Variants in MTMR10 observed in about 807,000 individuals in gnomAD.
MTMR10 encodes myotubularin-related protein 10.
A neutral mutation model predicts 88.1 loss-of-function variants in MTMR10; 56 were observed. The observed-to-expected ratio is 0.64, with a 90% CI of 0.51 to 0.79. The LOEUF is 0.79. Ranked by LOEUF, MTMR10 falls within the 30% of genes least tolerant of loss-of-function variation. The pLI is 0.00. For missense variants in MTMR10, 883 were observed against 924.7 expected (o/e 0.95, Z 0.58); for synonymous variants, 380 against 340.9 (o/e 1.11, Z -1.26).
intron 5 of MTMR10, among the ~76,000 whole-genome samples, chr15:30,972,853 G>A (rs571216231): frequency 6.6e-6 from 1 of 152,226 alleles, no homozygotes; most frequent in African/African-American, 2.4e-5. Flanking sequence ...TTAAAATAGT[G>A]TAAACTGAAA....
At chr15:30,963,997 C>A (rs544413034) in intron 6 of MTMR10, among the ~76,000 whole-genome samples, 1 of 150,642 alleles carries the variant, frequency 6.6e-6, no homozygotes, top group South Asian at 2.1e-4. Flanking sequence ...ATGATAGATA[C>A]CTGTTTATGA....
At chr15:30,969,192 A>G (rs1490768710) in intron 5 of MTMR10, among the ~76,000 whole-genome samples, 1 of 152,076 alleles carries the variant, frequency 6.6e-6, no homozygotes, top group African/African-American at 2.4e-5. Flanking sequence ...CTATAGAATA[A>G]ATGTTTCCTG....
At chr15:30,961,790 CCATTT>C (rs1219760831) in intron 6 of MTMR10, among the ~76,000 whole-genome samples, 1 of 152,202 alleles carries the variant, frequency 6.6e-6, no homozygotes, top group Non-Finnish European at 1.5e-5. Flanking sequence ...GATTTCCTCT[CCATTT>C]ATTTTCTCTT....
rs994227162 is a variant in MTMR10 at position 30,940,609 on chromosome 15, G to A, written c.*861C>T. The A allele has an allele frequency of 1.0e-6, 1 of 985,304 alleles. No individual in the cohort carries two copies. The highest frequency in any genetic ancestry group is 1.7e-5 in the African/African-American group (1 of 57,174). The allele number at this position is 985,304 out of a possible 1,614,324, so 61.0% of individuals were successfully genotyped here. ...TTTGAGGGCGAGTTTTGGCATAGAT[G>A]GCACTCTCCTGTCTACAGCATACAC... On this transcript the variant is annotated 3_prime_UTR_variant, in exon 16 of 16. Coordinates refer to ENST00000435680, the MANE Select transcript of MTMR10 (RefSeq NM_017762.3).
chr15:30,924,040 T>TCTGTAA, the MTMR10 span, among the ~76,000 whole-genome samples: 1 of 152,312 alleles, frequency 6.6e-6, no homozygotes, highest in Non-Finnish European at 1.5e-5. Context: ...CATCTACTTT[T>TCTGTAA]TGTGTCTGTA....
the MTMR10 span, chr15:30,922,124 T>G: frequency 5.1e-6 from 7 of 1,361,548 alleles, no homozygotes; most frequent in Non-Finnish European, 7.0e-6. Flanking sequence ...CATTGTAGAA[T>G]GGAAAGATAC....
chr15:30,989,862 G>C (rs2031194750), intron 2 of MTMR10, among the ~76,000 whole-genome samples: 1 of 152,124 alleles, frequency 6.6e-6, no homozygotes, highest in African/African-American at 2.4e-5. Context: ...TGGGATTACA[G>C]GCATGAGCCA....
intron 7 of MTMR10, among the ~76,000 whole-genome samples, chr15:30,960,240 C>T (rs913129067): frequency 2.7e-5 from 4 of 149,874 alleles, no homozygotes; most frequent in African/African-American, 7.4e-5. Context: ...TTGACACCCT[C>T]TAAGCCCACT....
chr15:30,923,530 A>G, the MTMR10 span, among the ~76,000 whole-genome samples: 212 of 152,210 alleles, frequency 1.4e-3, no homozygotes, highest in Non-Finnish European at 2.5e-3. Flanking sequence ...TTGTTATTTC[A>G]TTAGTGTTCT....
intron 2 of MTMR10, among the ~76,000 whole-genome samples, chr15:30,978,156 C>T (rs987243511): frequency 1.3e-5 from 2 of 152,142 alleles, no homozygotes; most frequent in African/African-American, 4.8e-5. Context: ...TAGGGAATGC[C>T]TCTTTAAAAA....
At chr15:30,988,967 G>GT (rs1481202309) in intron 2 of MTMR10, among the ~76,000 whole-genome samples, 2 of 131,100 alleles carry the variant, frequency 1.5e-5, no homozygotes, top group Admixed American at 8.5e-5. Context: ...TCCAGCCCAA[G>GT]TAAGAGTGAG....
intron 5 of MTMR10, among the ~76,000 whole-genome samples, chr15:30,968,577 A>ACACACACACACACAC (rs1566960338): frequency 4.0e-5 from 6 of 149,396 alleles, no homozygotes; most frequent in African/African-American, 1.5e-4. Context: ...ACACACACAC[A>ACACACACACACACAC]AACTGTGTTT....
At chr15:30,937,648 C>T (rs1289315822), downstream of MTMR10, among the ~76,000 whole-genome samples, 5 of 151,354 alleles carry the variant, frequency 3.3e-5, no homozygotes, top group African/African-American at 7.3e-5. Context: ...GACGGGGTTT[C>T]ACCATGTTGG....
At chr15:30,925,696 G>T in the MTMR10 span, 1 of 1,393,052 alleles carries the variant, frequency 7.2e-7, no homozygotes, top group African/African-American at 1.4e-5. Flanking sequence ...TGACTTTGTG[G>T]TAAGGGAGGT....
the MTMR10 span, among the ~76,000 whole-genome samples, chr15:30,923,990 C>T: frequency 9.8e-4 from 150 of 152,312 alleles, no homozygotes; most frequent in Admixed American, 2.0e-3. Context: ...TAGGCAACTA[C>T]GCCCCGCTTT....
the MTMR10 span, among the ~76,000 whole-genome samples, chr15:30,929,835 A>G: frequency 2.5e-5 from 2 of 79,166 alleles, no homozygotes; most frequent in African/African-American, 1.5e-4. Context: ...CATATATAAT[A>G]TAATATATAA....
chr15:30,978,360 G>C (rs1464459127), intron 2 of MTMR10, among the ~76,000 whole-genome samples: 1 of 152,160 alleles, frequency 6.6e-6, no homozygotes, highest in Non-Finnish European at 1.5e-5. Flanking sequence ...TCTGGCACAG[G>C]GTAGGTGCCT....
At chr15:30,923,448 T>C in the MTMR10 span, among the ~76,000 whole-genome samples, 2 of 152,224 alleles carry the variant, frequency 1.3e-5, no homozygotes, top group Non-Finnish European at 2.9e-5. Context: ...GCCACTGAGC[T>C]TATTTTTGAG....
chr15:30,938,708 T>C (rs1436609318), downstream of MTMR10, among the ~76,000 whole-genome samples: 1 of 152,176 alleles, frequency 6.6e-6, no homozygotes, highest in African/African-American at 2.4e-5. Flanking sequence ...CCAGTTTTTA[T>C]ATTTATTTAT....
Sources: gnomAD v4.1 joint callset for allele counts (sites outside exome capture counted in the v4.1 genomes callset) on GRCh38, gnomAD v4.1.1 for gene constraint, MANE v1.5 for transcripts, NCBI Gene and HGNC (gene_info 2026-07-23, HGNC 2026-07-21) for gene names.